MBOAT1: variants seen among roughly 807,000 people sequenced by gnomAD.
MBOAT1 encodes the protein membrane bound glycerophospholipid O-acyltransferase 1, also known as membrane-bound glycerophospholipid O-acyltransferase 1.
MBOAT1 carries 67 observed loss-of-function variants against 64.4 expected under a neutral mutation model. The ratio of observed to expected loss-of-function variants is 1.04; its 90% CI spans 0.85 to 1.27. The LOEUF is 1.27. MBOAT1 is among the 50% of genes most tolerant of loss of function. The pLI, the probability that MBOAT1 is intolerant of heterozygous loss-of-function variation, is 0.00. For missense variants in MBOAT1, 563 were observed against 604.6 expected (o/e 0.93, Z 0.72); for synonymous variants, 229 against 218.9 (o/e 1.05, Z -0.41).
At chr6:20,158,708 A>G (rs1761765682) in intron 1 of MBOAT1, among the ~76,000 whole-genome samples, 1 of 152,190 alleles carries the variant, frequency 6.6e-6, no homozygotes, top group Non-Finnish European at 1.5e-5. Flanking sequence ...AAGAATTCTA[A>G]CTGCTTAATA....
At chr6:20,207,472 C>T (rs1356772674) in intron 1 of MBOAT1, among the ~76,000 whole-genome samples, 3 of 152,298 alleles carry the variant, frequency 2.0e-5, no homozygotes, top group East Asian at 1.9e-4. Context: ...ACAATCCATG[C>T]ACCATATTTC....
intron 7 of MBOAT1, chr6:20,126,024 C>T (rs1421878942): frequency 3.6e-6 from 1 of 277,972 alleles, no homozygotes; most frequent in African/African-American, 2.3e-5. Context: ...AATATTATTT[C>T]AAAAAGTCAT....
chr6:20,175,718 C>T (rs766338912), intron 1 of MBOAT1, among the ~76,000 whole-genome samples: 1 of 151,490 alleles, frequency 6.6e-6, no homozygotes, highest in Non-Finnish European at 1.5e-5. Flanking sequence ...GCAATCCACT[C>T]GCCTCGGCCT....
chr6:20,212,079 C>T (rs1438078327), intron 1 of MBOAT1, 57 bp downstream of exon 1: 4 of 1,528,064 alleles, frequency 2.6e-6, no homozygotes, highest in Non-Finnish European at 3.6e-6. Context: ...CTTTCGCCCG[C>T]CCCGTGCACG....
chr6:20,201,459 C>T (rs773114144), intron 1 of MBOAT1, among the ~76,000 whole-genome samples: 33 of 152,120 alleles, frequency 2.2e-4, no homozygotes, highest in Non-Finnish European at 3.7e-4. Flanking sequence ...TGCAACTAAA[C>T]CATGGAAATC....
At chr6:20,161,514 T>C (rs1007464447) in intron 1 of MBOAT1, among the ~76,000 whole-genome samples, 1 of 152,068 alleles carries the variant, frequency 6.6e-6, no homozygotes, top group Admixed American at 6.6e-5. Flanking sequence ...GCTGCTCTCA[T>C]TGATATTGTG....
chr6:20,118,016 A>T (rs746903530), intron 9 of MBOAT1, among the ~76,000 whole-genome samples: 3 of 152,204 alleles, frequency 2.0e-5, no homozygotes, highest in Non-Finnish European at 4.4e-5. Flanking sequence ...TGGATTATAA[A>T]TGCCTCCAAA....
At chr6:20,108,618 T>C (rs965830315) in intron 12 of MBOAT1, among the ~76,000 whole-genome samples, 15 of 152,212 alleles carry the variant, frequency 9.9e-5, no homozygotes, top group South Asian at 2.1e-4. Flanking sequence ...ATTCCCAACT[T>C]AGGAAGAAGG....
chr6:20,196,895 G>A (rs188605075), intron 1 of MBOAT1, among the ~76,000 whole-genome samples: 178 of 151,544 alleles, frequency 1.2e-3, no homozygotes, highest in African/African-American at 3.9e-3. Flanking sequence ...AAAAAAAACT[G>A]AACTGTACAC....
chr6:20,114,612 G>A (rs1760266150), intron 10 of MBOAT1, among the ~76,000 whole-genome samples: 2 of 152,152 alleles, frequency 1.3e-5, no homozygotes, highest in African/African-American at 4.8e-5. Context: ...GCTGGGTGCG[G>A]TGGCTCCCAC....
rs771688941 is a variant in MBOAT1 at position 20,152,729 on chromosome 6, G to T, written c.140C>A (p.Ala47Asp). Reference protein sequence around the residue: ...VVCQLVALFAAFWFRIYLRPG... With the variant: ...VVCQLVALFADFWFRIYLRPG... ...ACGTAAGTAGATGCGAAACCAGAAA[G>T]CAGCAAACAGAGCAACAAGCTGGCA... The change falls in exon 2 of 13, where the codon GCT (alanine) becomes GAT (aspartate). Residue 47 changes from alanine to aspartate, a missense_variant. Coordinates refer to ENST00000324607, the MANE Select transcript of MBOAT1 (RefSeq NM_001080480.3). The T allele has an allele frequency of 2.5e-6, 4 of 1,612,490 alleles. No homozygotes were observed. The South Asian group carries it at 4.4e-5, about 18-fold the overall frequency.
intron 4 of MBOAT1, among the ~76,000 whole-genome samples, chr6:20,137,950 A>G (rs73732813): frequency 0.021 from 3,195 of 152,322 alleles, 123 homozygotes; most frequent in African/African-American, 0.073. Flanking sequence ...AAGATATTTC[A>G]ACTGCAATAG....
chr6:20,166,183 T>G (rs1762010634), intron 1 of MBOAT1, among the ~76,000 whole-genome samples: 1 of 152,178 alleles, frequency 6.6e-6, no homozygotes. Flanking sequence ...AAAACTACAC[T>G]GTAACTTGTT....
intron 4 of MBOAT1, among the ~76,000 whole-genome samples, chr6:20,139,537 C>A (rs1308383977): frequency 1.4e-5 from 2 of 140,944 alleles, no homozygotes; most frequent in Non-Finnish European, 3.1e-5. Context: ...AATACACTCA[C>A]ATTTTAACCT....
intron 1 of MBOAT1, among the ~76,000 whole-genome samples, chr6:20,182,112 T>C (rs1452533614): frequency 3.3e-5 from 5 of 152,196 alleles, no homozygotes. Flanking sequence ...GAGTAATGCA[T>C]GGAAAGTATT....
chr6:20,155,100 T>C (rs1005204200), intron 1 of MBOAT1, among the ~76,000 whole-genome samples: 3 of 152,238 alleles, frequency 2.0e-5, no homozygotes, highest in African/African-American at 7.2e-5. Context: ...GCCAGAATTA[T>C]TGAGCATGTG....
At chr6:20,115,838 G>A (rs1309079065) in intron 9 of MBOAT1, among the ~76,000 whole-genome samples, 1 of 152,016 alleles carries the variant, frequency 6.6e-6, no homozygotes, top group Non-Finnish European at 1.5e-5. Context: ...AGGTTCCAAT[G>A]TTTCCAATTG....
rs146950340 is a variant in MBOAT1 at position 20,110,116 on chromosome 6, G to A, written c.1210-367C>T. Among the ~76,000 whole-genome samples the A allele has an allele frequency of 1.3e-3, 198 of 151,466 alleles. 1 individual carries two copies. In the East Asian group the frequency reaches 0.018, roughly 14 times the overall value. On this transcript the variant is annotated intron_variant, in intron 11 of 12. Transcript: ENST00000324607. ...AGTAGAGCTGGGGTTTCGCCATGTT[G>A]GCCAGGCTGGTCTCGAATTCCTGAC...
chr6:20,116,986 C>T (rs1561748509), intron 9 of MBOAT1, among the ~76,000 whole-genome samples: 1 of 152,188 alleles, frequency 6.6e-6, no homozygotes, highest in Non-Finnish European at 1.5e-5. Context: ...CTTGAACTCT[C>T]TCTGACGTCA....
Sources: allele counts gnomAD v4.1 joint callset (sites outside exome capture counted in the v4.1 genomes callset), GRCh38; gene constraint gnomAD v4.1.1; transcripts MANE v1.5; gene names NCBI Gene and HGNC (gene_info 2026-07-23, HGNC 2026-07-21).